Variants in GALNT13 observed in about 807,000 individuals in gnomAD.
GALNT13 encodes UDP-GalNAc:polypeptide N-acetylgalactosaminyltransferase 13.
Under a neutral mutation model 64.2 loss-of-function variants are expected in GALNT13, and 28 were observed. The observed-to-expected ratio is 0.44, with a 90% CI of 0.32 to 0.60. GALNT13 has a LOEUF of 0.60. Ranked by LOEUF, GALNT13 falls within the 20% of genes least tolerant of loss-of-function variation. The pLI is 0.05. For synonymous variants in GALNT13, 214 were observed against 224.6 expected, an observed-to-expected ratio of 0.95 and a Z score of 0.42; for missense variants, 577 against 669.8, an observed-to-expected ratio of 0.86 and a Z score of 1.53.
intron 4 of GALNT13, among the ~76,000 whole-genome samples, chr2:154,204,800 C>A (rs920864856): frequency 1.3e-5 from 2 of 152,188 alleles, no homozygotes; most frequent in African/African-American, 4.8e-5. Flanking sequence ...TGTTGTGATC[C>A]ATGCCTTCGC....
chr2:153,960,396 G>C (rs189764707), intron 3 of GALNT13, among the ~76,000 whole-genome samples: 337 of 152,348 alleles, frequency 2.2e-3, no homozygotes, highest in African/African-American at 7.2e-3. Flanking sequence ...GGGCAAGCCA[G>C]AGGTAGAAGG....
At chr2:154,158,740 A>C (rs7589452) in intron 4 of GALNT13, among the ~76,000 whole-genome samples, 7 of 152,028 alleles carry the variant, frequency 4.6e-5, no homozygotes, top group Admixed American at 3.9e-4. Context: ...CCTTACCTTC[A>C]ATCTCTTTAA....
chr2:154,277,893 G>C (rs1691737650), intron 8 of GALNT13, among the ~76,000 whole-genome samples: 1 of 152,024 alleles, frequency 6.6e-6, no homozygotes, highest in African/African-American at 2.4e-5. Context: ...AAACATTTTT[G>C]GTATGGAATT....
intron 2 of GALNT13, among the ~76,000 whole-genome samples, chr2:153,910,836 G>A (rs1688889097): frequency 6.6e-6 from 1 of 152,072 alleles, no homozygotes; most frequent in South Asian, 2.1e-4. Context: ...ATTGTTTTAT[G>A]TCCTATTGTG....
chr2:153,264,960 T>C, the GALNT13 span, among the ~76,000 whole-genome samples: 49 of 152,316 alleles, frequency 3.2e-4, no homozygotes, highest in African/African-American at 1.2e-3. Context: ...AAATTAAAAA[T>C]GTTCTCTTGG....
chr2:153,212,340 C>A, the GALNT13 span, among the ~76,000 whole-genome samples: 1 of 152,158 alleles, frequency 6.6e-6, no homozygotes, highest in African/African-American at 2.4e-5. Context: ...GCTTGGTTGA[C>A]TTTACCAGTG....
the GALNT13 span, among the ~76,000 whole-genome samples, chr2:153,199,709 A>T: frequency 2.0e-5 from 3 of 152,322 alleles, no homozygotes; most frequent in Non-Finnish European, 4.4e-5. Flanking sequence ...ATGTTGTCCT[A>T]TGTTTATGCT....
At chr2:153,551,015 A>T in the GALNT13 span, among the ~76,000 whole-genome samples, 1 of 152,142 alleles carries the variant, frequency 6.6e-6, no homozygotes, top group Non-Finnish European at 1.5e-5. Context: ...GTAGGATATT[A>T]CTATTTAAAT....
At chr2:153,698,924 T>G in the GALNT13 span, among the ~76,000 whole-genome samples, 1 of 152,126 alleles carries the variant, frequency 6.6e-6, no homozygotes, top group Non-Finnish European at 1.5e-5. Flanking sequence ...GTACTCACGA[T>G]TAAGAAATTC....
At chr2:154,440,285 C>T (rs1261300568) in intron 12 of GALNT13, among the ~76,000 whole-genome samples, 1 of 151,992 alleles carries the variant, frequency 6.6e-6, no homozygotes, top group Non-Finnish European at 1.5e-5. Context: ...TTTTAGAATA[C>T]CACTTTTAAT....
chr2:153,202,532 A>G, the GALNT13 span, among the ~76,000 whole-genome samples: 1 of 152,294 alleles, frequency 6.6e-6, no homozygotes, highest in South Asian at 2.1e-4. Flanking sequence ...TCCACCCACA[A>G]TCCTTACTTC....
the GALNT13 span, among the ~76,000 whole-genome samples, chr2:153,122,089 A>T: frequency 4.6e-3 from 697 of 152,240 alleles, 1 homozygote; most frequent in African/African-American, 0.016. Context: ...CTATTGCTAG[A>T]TATTTGTTAT....
the GALNT13 span, among the ~76,000 whole-genome samples, chr2:153,490,004 C>T: frequency 6.6e-6 from 1 of 151,778 alleles, no homozygotes; most frequent in Non-Finnish European, 1.5e-5. Context: ...CACACACACA[C>T]ACACACAAAC....
At chr2:153,355,503 C>T in the GALNT13 span, among the ~76,000 whole-genome samples, 2 of 152,056 alleles carry the variant, frequency 1.3e-5, no homozygotes, top group African/African-American at 2.4e-5. Context: ...TTTGTGAACC[C>T]AGCCCATGGC....
the GALNT13 span, among the ~76,000 whole-genome samples, chr2:153,150,847 T>C: frequency 6.6e-6 from 1 of 152,070 alleles, no homozygotes; most frequent in African/African-American, 2.4e-5. Flanking sequence ...TGTTTTGGTA[T>C]CAGTACCATG....
At chr2:154,339,762 T>TAA (rs141088218) in intron 9 of GALNT13, among the ~76,000 whole-genome samples, 1 of 152,050 alleles carries the variant, frequency 6.6e-6, no homozygotes, top group Non-Finnish European at 1.5e-5. Context: ...CTTTTAGTAG[T>TAA]AAAAAACTTT....
At chr2:153,229,940 C>T in the GALNT13 span, among the ~76,000 whole-genome samples, 93 of 152,274 alleles carry the variant, frequency 6.1e-4, no homozygotes, top group Non-Finnish European at 1.1e-3. Context: ...CACTCAGCAC[C>T]TTTGGTACTG....
chr2:153,247,591 C>A, the GALNT13 span, among the ~76,000 whole-genome samples: 1 of 151,674 alleles, frequency 6.6e-6, no homozygotes, highest in Non-Finnish European at 1.5e-5. Flanking sequence ...ATTTATAGCA[C>A]TAAATGCCCA....
At chr2:153,172,217 A>G in the GALNT13 span, 3 of 152,146 alleles carry the variant, frequency 2.0e-5, no homozygotes, top group East Asian at 5.8e-4. Flanking sequence ...TCCTATATCT[A>G]CCTGTGGGAG....
Sources: allele counts gnomAD v4.1 joint callset (sites outside exome capture counted in the v4.1 genomes callset), GRCh38; gene constraint gnomAD v4.1.1; transcripts MANE v1.5; gene names NCBI Gene and HGNC (gene_info 2026-07-23, HGNC 2026-07-21).